Variants in RDX observed in about 807,000 individuals in gnomAD.
The protein encoded by RDX is radixin.
In RDX, 32 loss-of-function variants were observed where a neutral mutation model predicts 83.7. The observed-to-expected ratio is 0.38, with a 90% CI of 0.29 to 0.51. RDX has a LOEUF of 0.51. Ranked by LOEUF, RDX falls within the 20% of genes least tolerant of loss-of-function variation. RDX has a pLI of 0.87. For missense variants in RDX, 600 were observed against 689.9 expected, an observed-to-expected ratio of 0.87 and a Z score of 1.46; for synonymous variants, 229 against 222.7, an observed-to-expected ratio of 1.03 and a Z score of -0.25.
At chr11:110,186,601 C>T (rs1167809296) in intron 15 of RDX, among the ~76,000 whole-genome samples, 1 of 151,798 alleles carries the variant, frequency 6.6e-6, no homozygotes, top group Non-Finnish European at 1.5e-5. Flanking sequence ...AGGCAGGCAG[C>T]CCCCATGATG....
In RDX at chr11:110,236,174, T is replaced by A; in HGVS notation, c.1269A>T (p.Glu423Asp). Residue 423 changes from glutamate (E) to aspartate (D), a missense_variant, in exon 12 of 14, where the codon GAA becomes GAT. Glu to Asp is a conservative substitution (Grantham distance 45, BLOSUM62 2). Coordinates refer to ENST00000645495, the MANE Select transcript of RDX (RefSeq NM_002906.4). ...NQEQLAAELA[E>D]FTAKIALLEE... Reference sequence around the variant, plus strand: ...CTAGAAGTGCAATCTTGGCAGTGAATTCAGCAAGTTCTGCTGCCTAAAGTA... The same window carrying A: ...CTAGAAGTGCAATCTTGGCAGTGAAATCAGCAAGTTCTGCTGCCTAAAGTA... 1 of 1,612,654 alleles carries A rather than the reference T, an allele frequency of 6.2e-7. No individual in the cohort carries two copies. The highest frequency in any genetic ancestry group is 8.5e-7 in the Non-Finnish European group (1 of 1,179,578).
rs1164095955 is a variant in RDX, at chr11:110,185,478, AC to A, written c.*32-10245del. ...TCTCCAGTCCAGCAGCCTCAGTTTC[AC>A]TTGGGAACTTGTCTGAAATGCAAAT... On this transcript the variant is annotated intron_variant, in intron 15 of 15. Coordinates refer to the RDX transcript ENST00000528498. The A allele has an allele frequency of 2.0e-5, 3 of 152,260 alleles. No homozygotes were observed. The East Asian group carries it at 5.8e-4, about 30-fold the overall frequency. 9.4% of individuals were successfully genotyped at this position (152,260 alleles called of 1,614,324 possible). A position where few individuals can be genotyped will look rare whatever the true frequency, so the allele number is the denominator to read the frequency against.
intron 2 of RDX, among the ~76,000 whole-genome samples, chr11:110,277,015 T>C (rs928893450): frequency 1.3e-5 from 2 of 152,230 alleles, no homozygotes; most frequent in Non-Finnish European, 1.5e-5. Context: ...ATATCGTATA[T>C]TCATCTTTCT....
intron 15 of RDX, among the ~76,000 whole-genome samples, chr11:110,198,460 G>A (rs936641605): frequency 3.9e-5 from 6 of 152,284 alleles, no homozygotes; most frequent in African/African-American, 1.4e-4. Context: ...CAGTACCGGC[G>A]TGTGGCCTGT....
intron 1 of RDX, chr11:110,286,974 A>C (rs1448809080): frequency 6.6e-6 from 1 of 152,260 alleles, no homozygotes; most frequent in Non-Finnish European, 1.5e-5. Context: ...CTGGAATATG[A>C]TTATCAAAAT....
intron 15 of RDX, among the ~76,000 whole-genome samples, chr11:110,184,321 G>A (rs1326686091): frequency 6.6e-6 from 1 of 152,226 alleles, no homozygotes; most frequent in Non-Finnish European, 1.5e-5. Flanking sequence ...TCATTCCCAA[G>A]CCCAGGCGGT....
At chr11:110,233,745 T>C (rs1210024036) in intron 12 of RDX, among the ~76,000 whole-genome samples, 2 of 152,178 alleles carry the variant, frequency 1.3e-5, no homozygotes, top group South Asian at 2.1e-4. Context: ...AAAAGAACTA[T>C]TAATTCTGGC....
intron 1 of RDX, among the ~76,000 whole-genome samples, chr11:110,282,190 T>C (rs1315943488): frequency 2.0e-5 from 3 of 152,204 alleles, no homozygotes; most frequent in African/African-American, 7.2e-5. Flanking sequence ...TTCACACATA[T>C]ATAAGACATG....
intron 1 of RDX, among the ~76,000 whole-genome samples, chr11:110,295,345 CA>C (rs1861404466): frequency 7.2e-6 from 1 of 138,664 alleles, no homozygotes; most frequent in Admixed American, 7.2e-5. Context: ...GCTCCTTAAA[CA>C]ATAGATTACA....
chr11:110,212,201 A>G, intron 14 of RDX, among the ~76,000 whole-genome samples: 1 of 151,956 alleles, frequency 6.6e-6, no homozygotes, highest in Non-Finnish European at 1.5e-5. Context: ...AGAATACTAC[A>G]AACACCTCTA....
intron 14 of RDX, among the ~76,000 whole-genome samples, chr11:110,202,916 C>A (rs879052420): frequency 1.3e-5 from 2 of 152,024 alleles, no homozygotes; most frequent in Non-Finnish European, 2.9e-5. Context: ...GAAAAGGGAA[C>A]CTTTGTACAC....
intron 15 of RDX, among the ~76,000 whole-genome samples, chr11:110,187,155 C>G (rs568200573): frequency 6.6e-6 from 1 of 152,302 alleles, no homozygotes; most frequent in Non-Finnish European, 1.5e-5. Context: ...CACAGCAGGG[C>G]CCTCTCTACT....
chr11:110,295,627 T>C (rs951885775), intron 1 of RDX, among the ~76,000 whole-genome samples: 1 of 146,452 alleles, frequency 6.8e-6, no homozygotes, highest in Non-Finnish European at 1.5e-5. Flanking sequence ...GGAAGTGATG[T>C]AGTCTGTTTA....
chr11:110,237,099 T>C (rs555473768), intron 11 of RDX, among the ~76,000 whole-genome samples: 1 of 150,048 alleles, frequency 6.7e-6, no homozygotes, highest in East Asian at 1.9e-4. Flanking sequence ...TCATAGGAAC[T>C]ATAACATATT....
chr11:110,266,085 G>A (rs541785253), intron 3 of RDX, among the ~76,000 whole-genome samples: 6 of 151,952 alleles, frequency 3.9e-5, no homozygotes, highest in Non-Finnish European at 8.8e-5. Context: ...AGCACTTTGG[G>A]AGGCCGAGGC....
At chr11:110,289,416 T>A (rs1861122090) in intron 1 of RDX, among the ~76,000 whole-genome samples, 1 of 152,166 alleles carries the variant, frequency 6.6e-6, no homozygotes, top group African/African-American at 2.4e-5. Flanking sequence ...TGATTAGATA[T>A]TAGCAGTAAG....
chr11:110,257,146 T>C (rs1859577622), intron 7 of RDX, among the ~76,000 whole-genome samples: 1 of 151,444 alleles, frequency 6.6e-6, no homozygotes, highest in African/African-American at 2.4e-5. Context: ...ATAGTACATA[T>C]ACATGTATAT....
intron 14 of RDX, among the ~76,000 whole-genome samples, chr11:110,208,226 G>C (rs1407066355): frequency 6.6e-6 from 1 of 152,142 alleles, no homozygotes; most frequent in Non-Finnish European, 1.5e-5. Flanking sequence ...ACAAAGAATT[G>C]CACAAAGAAT....
rs34384486 is a variant in RDX at position 110,188,296 on chromosome 11, A to AAATAATAATAAT, written c.*31+11273_*31+11284dup. Among the ~76,000 whole-genome samples the AAATAATAATAAT allele has an allele frequency of 2.6e-3, 377 of 142,474 alleles. 1 individual carries two copies. Among genetic ancestry groups the AAATAATAATAAT allele is most frequent in the Middle Eastern group, 7.3e-3 (2 of 274 alleles). The allele number at this position is 142,474 out of a possible 152,430, so 93.5% of individuals were successfully genotyped here. On this transcript the variant is annotated intron_variant, in intron 15 of 15. Coordinates refer to the RDX transcript ENST00000528498. ...GCAACAAGAGCGAGACTCTGTCTCA[A>AAATAATAATAAT]AATAATAATAATAATAATAATAATA...
Sources: allele counts gnomAD v4.1 joint callset (sites outside exome capture counted in the v4.1 genomes callset), GRCh38; gene constraint gnomAD v4.1.1; transcripts MANE v1.5; gene names NCBI Gene and HGNC (gene_info 2026-07-23, HGNC 2026-07-21).